COL8A1: variants seen among roughly 807,000 people sequenced by gnomAD.
The protein encoded by COL8A1 is collagen alpha-1(VIII) chain.
COL8A1 carries 21 observed loss-of-function variants against 42.7 expected under a neutral mutation model. The ratio of observed to expected loss-of-function variants is 0.49; its 90% confidence interval spans 0.35 to 0.71. The LOEUF (loss-of-function observed/expected upper bound fraction) is 0.71, where lower values mean the gene tolerates loss of function less well. Ranked by LOEUF, COL8A1 falls within the 30% of genes least tolerant of loss-of-function variation. The pLI is 0.01. For synonymous variants in COL8A1, 367 were observed against 369.1 expected (o/e 0.99, Z 0.06); for missense variants, 788 against 962.4 (o/e 0.82, Z 2.40).
chr3:99,662,297 G>A (rs1439649345), intron 1 of COL8A1, among the ~76,000 whole-genome samples: 5 of 151,350 alleles, frequency 3.3e-5, no homozygotes, highest in African/African-American at 1.2e-4. Context: ...CAGGAGAATC[G>A]CTTGAACCCA....
intron 1 of COL8A1, among the ~76,000 whole-genome samples, chr3:99,689,955 C>A (rs1397530936): frequency 6.6e-6 from 1 of 152,200 alleles, no homozygotes; most frequent in African/African-American, 2.4e-5. Flanking sequence ...ACCTAAAAAT[C>A]TTCCTTTTTA....
intron 1 of COL8A1, among the ~76,000 whole-genome samples, chr3:99,721,430 AAAGGGGAAGGGG>A (rs71821061): frequency 1.4e-5 from 2 of 142,154 alleles, no homozygotes; most frequent in Admixed American, 1.4e-4. Flanking sequence ...AGGGAAAGGG[AAAGGGGAAGGGG>A]AAGGGGAAGG....
intron 2 of COL8A1, among the ~76,000 whole-genome samples, chr3:99,784,244 A>G (rs542520498): frequency 2.0e-5 from 3 of 152,230 alleles, no homozygotes; most frequent in Admixed American, 6.5e-5. Flanking sequence ...TAGGAATGTA[A>G]CAGGAATAAC....
In COL8A1 at chr3:99,795,036, C is replaced by T; in HGVS notation, c.1135C>T (p.Pro379Ser). The T allele has an allele frequency of 6.2e-7, 1 of 1,608,648 alleles. No individual in the cohort carries two copies. The highest frequency in any genetic ancestry group is 8.5e-7 in the Non-Finnish European group (1 of 1,177,554). Residue 379 changes from proline to serine, a missense_variant, in exon 4 of 4, where the codon CCA (proline) becomes TCA (serine). By Grantham distance (74) the Pro-to-Ser change is moderately conservative. Transcript: ENST00000652472. ...TCTTGGACCAAGAGGGGAGAAAGGA[C>T]CAATAGGTGCCCCAGGAATAGGGGG... ...GALGPRGEKGPIGAPGIGGPP... is the reference protein window; with the variant it reads ...GALGPRGEKGSIGAPGIGGPP...
rs1459951630 is a variant in COL8A1 at position 99,795,332 on chromosome 3, G to A, written c.1431G>A (p.Gly477=). 1.2e-6 allele frequency: 2 copies of A among 1,601,042 alleles called. No individual in the cohort carries two copies. The highest frequency in any genetic ancestry group is 1.7e-6 in the Non-Finnish European group (2 of 1,173,654). Residue 477 remains glycine (G), a synonymous_variant, in exon 4 of 4, where the codon GGG becomes GGA. Transcript: ENST00000652472. The stretch of plus-strand genomic sequence containing the variant: ...TACCAGGACTCCCTGGTGTTCCAGG[G>A]CTTCTCGGACCTAAGGGAGAGCCAG... ...KGVPGLPGVP[G]LLGPKGEPGI...
chr3:99,693,390 A>G (rs1939278863), intron 1 of COL8A1, among the ~76,000 whole-genome samples: 2 of 152,246 alleles, frequency 1.3e-5, no homozygotes, highest in Admixed American at 1.3e-4. Context: ...AAGAAGGCAT[A>G]GGATATGACA....
chr3:99,672,599 C>A (rs1349046282), intron 1 of COL8A1, among the ~76,000 whole-genome samples: 1 of 151,618 alleles, frequency 6.6e-6, no homozygotes, highest in African/African-American at 2.4e-5. Flanking sequence ...TTCTCATAAA[C>A]TTTATTCACT....
chr3:99,735,424 G>T (rs200328742), intron 1 of COL8A1, among the ~76,000 whole-genome samples: 6,252 of 20,972 alleles, frequency 0.3, 1,782 homozygotes, highest in East Asian at 0.58. Flanking sequence ...GGTTTTTGTC[G>T]TTGGTTCTGT....
chr3:99,783,546 G>C (rs1455104291), intron 2 of COL8A1, among the ~76,000 whole-genome samples: 1 of 152,112 alleles, frequency 6.6e-6, no homozygotes. Context: ...TTATTTATTT[G>C]GGCTATTAGT....
chr3:99,649,012 T>C (rs1937749608), intron 1 of COL8A1, among the ~76,000 whole-genome samples: 1 of 152,142 alleles, frequency 6.6e-6, no homozygotes, highest in African/African-American at 2.4e-5. Flanking sequence ...TTTTCCCCCA[T>C]GCTCACATTC....
chr3:99,766,532 TC>T (rs1372802833), intron 2 of COL8A1, among the ~76,000 whole-genome samples: 5 of 152,208 alleles, frequency 3.3e-5, no homozygotes, highest in Admixed American at 1.3e-4. Flanking sequence ...TACTTCATTT[TC>T]CCCTAGTGTT....
At chr3:99,769,216 T>A (rs556280495) in intron 2 of COL8A1, among the ~76,000 whole-genome samples, 4 of 152,232 alleles carry the variant, frequency 2.6e-5, no homozygotes, top group African/African-American at 7.2e-5. Flanking sequence ...ATGATGTATG[T>A]CTGGCACCAA....
intron 1 of COL8A1, among the ~76,000 whole-genome samples, chr3:99,737,069 G>A (rs1484912783): frequency 6.6e-6 from 1 of 151,660 alleles, no homozygotes; most frequent in Middle Eastern, 3.4e-3. Flanking sequence ...GTCTTTTTTT[G>A]TTTTCCATTT....
chr3:99,780,838 C>A (rs191018337), intron 2 of COL8A1, among the ~76,000 whole-genome samples: 1 of 152,178 alleles, frequency 6.6e-6, no homozygotes, highest in African/African-American at 2.4e-5. Flanking sequence ...CTCCCAGACA[C>A]CACATCCATC....
At position 99,794,858 on chromosome 3, in the gene COL8A1, C is replaced by T; in HGVS notation, c.957C>T (p.Gly319=). The T allele has an allele frequency of 1.2e-6, 2 of 1,611,932 alleles. No homozygotes were observed. Among genetic ancestry groups the T allele is most frequent in the Non-Finnish European group, 1.7e-6 (2 of 1,178,994 alleles). Residue 319 remains glycine, a synonymous_variant, in exon 4 of 4, where the codon GGC becomes GGT. Coordinates refer to ENST00000652472, the MANE Select transcript of COL8A1 (RefSeq NM_020351.4). This position sits in a 1 kb window ranked among gnomAD's most constrained non-coding sequence, Gnocchi z 4.3. ...GGATACCCGGAATTGGAAAGCCAGG[C>T]CAGGATGGGATCCCAGGCCAGCCAG... ...PPGIPGIGKP[G]QDGIPGQPGF... is the part of the protein sequence containing the mutation.
At chr3:99,700,076 C>T (rs145282502) in intron 1 of COL8A1, among the ~76,000 whole-genome samples, 138 of 152,224 alleles carry the variant, frequency 9.1e-4, no homozygotes, top group African/African-American at 3.2e-3. Flanking sequence ...TGGACTGAGA[C>T]CGGAGACTCT....
intron 1 of COL8A1, among the ~76,000 whole-genome samples, chr3:99,721,493 T>C (rs576978488): frequency 6.7e-6 from 1 of 149,764 alleles, no homozygotes; most frequent in Admixed American, 6.7e-5. Context: ...GAAGCCTGGA[T>C]GGTCAGGGCT....
At chr3:99,761,019 G>A (rs1366189147) in intron 2 of COL8A1, among the ~76,000 whole-genome samples, 1 of 152,140 alleles carries the variant, frequency 6.6e-6, no homozygotes, top group African/African-American at 2.4e-5. Flanking sequence ...TAACTCAGGA[G>A]TTCCTTGGAA....
chr3:99,748,187 C>T (rs1200655199), intron 2 of COL8A1, among the ~76,000 whole-genome samples: 3 of 152,156 alleles, frequency 2.0e-5, no homozygotes, highest in South Asian at 2.1e-4. Context: ...CTAAGATTCC[C>T]GGCTGGTCTT....
Sources: gnomAD v4.1 joint callset for allele counts (sites outside exome capture counted in the v4.1 genomes callset) on GRCh38, gnomAD v4.1.1 for gene constraint, Gnocchi (gnomAD v3.1) non-coding constraint, MANE v1.5 for transcripts, NCBI Gene and HGNC (gene_info 2026-07-23, HGNC 2026-07-21) for gene names.